The following LRRTM4 variants were observed in gnomAD, a reference collection of about 807,000 sequenced individuals.
LRRTM4 encodes the protein leucine rich repeat transmembrane neuronal 4.
Under a neutral mutation model 47.6 loss-of-function variants are expected in LRRTM4, and 25 were observed. That is an observed-to-expected ratio of 0.53 (90% confidence interval 0.38 to 0.73). The LOEUF is 0.73. Among genes scored for constraint, LRRTM4 ranks in the 30% least tolerant of loss-of-function variants. The pLI is 0.00. For missense variants in LRRTM4, 638 were observed against 713.4 expected, an observed-to-expected ratio of 0.89 and a Z score of 1.20; for synonymous variants, 311 against 269.5, an observed-to-expected ratio of 1.15 and a Z score of -1.51.
At chr2:77,166,633 G>C (rs1382031067) in intron 3 of LRRTM4, among the ~76,000 whole-genome samples, 3 of 152,070 alleles carry the variant, frequency 2.0e-5, no homozygotes, top group Non-Finnish European at 2.9e-5. Flanking sequence ...ACAGAATAGA[G>C]CCCTCAGAAA....
chr2:77,125,535 A>G (rs1671632484), intron 3 of LRRTM4, among the ~76,000 whole-genome samples: 1 of 152,178 alleles, frequency 6.6e-6, no homozygotes, highest in South Asian at 2.1e-4. Flanking sequence ...ACACTAAGGC[A>G]ATAAAAGTAA....
intron 3 of LRRTM4, among the ~76,000 whole-genome samples, chr2:77,213,268 A>C (rs950299626): frequency 1.3e-5 from 2 of 152,122 alleles, no homozygotes; most frequent in Non-Finnish European, 2.9e-5. Flanking sequence ...GAACATTGCC[A>C]AGTTGACAGC....
intron 3 of LRRTM4, among the ~76,000 whole-genome samples, chr2:76,942,230 G>A (rs962469195): frequency 6.6e-6 from 1 of 151,846 alleles, no homozygotes; most frequent in Non-Finnish European, 1.5e-5. Context: ...ATGGATAGAC[G>A]GCAAAAATTT....
chr2:77,239,969 C>G (rs767658100), intron 3 of LRRTM4, among the ~76,000 whole-genome samples: 14 of 151,696 alleles, frequency 9.2e-5, no homozygotes, highest in Non-Finnish European at 1.8e-4. Flanking sequence ...TACTGAATAT[C>G]AGAATACACA....
chr2:76,784,049 A>T (rs1314642030), intron 3 of LRRTM4, among the ~76,000 whole-genome samples: 1 of 152,158 alleles, frequency 6.6e-6, no homozygotes, highest in Admixed American at 6.5e-5. Flanking sequence ...ATAAATAATT[A>T]TTTTTGGAAA....
At chr2:77,500,764 A>T (rs1268551979) in intron 3 of LRRTM4, among the ~76,000 whole-genome samples, 2 of 151,602 alleles carry the variant, frequency 1.3e-5, no homozygotes, top group Non-Finnish European at 3.0e-5. Flanking sequence ...GGGTACTGAC[A>T]TAATAATTCT....
intron 3 of LRRTM4, among the ~76,000 whole-genome samples, chr2:77,113,179 T>TG (rs1329569980): frequency 6.6e-6 from 1 of 152,016 alleles, no homozygotes; most frequent in Non-Finnish European, 1.5e-5. Context: ...GTAATTAGAA[T>TG]GCCATCAGCC....
At chr2:77,511,331 G>C (rs924336521) in intron 3 of LRRTM4, among the ~76,000 whole-genome samples, 1 of 151,918 alleles carries the variant, frequency 6.6e-6, no homozygotes, top group South Asian at 2.1e-4. Context: ...ATACATGTTA[G>C]TATTTTAGAA....
intron 3 of LRRTM4, among the ~76,000 whole-genome samples, chr2:76,973,022 TA>T (rs1266334432): frequency 3.9e-5 from 6 of 152,022 alleles, no homozygotes; most frequent in Non-Finnish European, 8.8e-5. Context: ...TTTAACCAAA[TA>T]AATATGGGAA....
intron 3 of LRRTM4, among the ~76,000 whole-genome samples, chr2:77,132,908 G>C: frequency 6.6e-6 from 1 of 152,158 alleles, no homozygotes. Context: ...CATTGGGAGG[G>C]AAGTGGAGGA....
intron 3 of LRRTM4, among the ~76,000 whole-genome samples, chr2:76,908,693 C>G (rs1475337986): frequency 1.3e-5 from 2 of 152,070 alleles, no homozygotes; most frequent in Non-Finnish European, 2.9e-5. Context: ...TTCTTATACA[C>G]CAATAAGAGA....
chr2:76,782,515 G>C (rs1038277783), intron 3 of LRRTM4, among the ~76,000 whole-genome samples: 1 of 152,158 alleles, frequency 6.6e-6, no homozygotes, highest in African/African-American at 2.4e-5. Context: ...AGGTGACTAT[G>C]AATTATTACA....
At chr2:76,927,423 T>C (rs1012794025) in intron 3 of LRRTM4, among the ~76,000 whole-genome samples, 1 of 152,148 alleles carries the variant, frequency 6.6e-6, no homozygotes, top group Non-Finnish European at 1.5e-5. Context: ...TAACCATGAT[T>C]CTTACAGGTC....
intron 3 of LRRTM4, among the ~76,000 whole-genome samples, chr2:77,291,085 G>T (rs1289547869): frequency 6.6e-6 from 1 of 151,968 alleles, no homozygotes; most frequent in South Asian, 2.1e-4. Context: ...TGTTCTCAGT[G>T]CATATATTTA....
At chr2:76,822,799 ATTAT>A (rs1671090253) in intron 3 of LRRTM4, among the ~76,000 whole-genome samples, 1 of 151,410 alleles carries the variant, frequency 6.6e-6, no homozygotes, top group South Asian at 2.1e-4. Context: ...GAGTTTATTT[ATTAT>A]TTATTTATTT....
intron 3 of LRRTM4, among the ~76,000 whole-genome samples, chr2:76,970,197 G>T (rs1053515639): frequency 5.9e-5 from 9 of 151,970 alleles, no homozygotes; most frequent in Non-Finnish European, 1.3e-4. Flanking sequence ...TGATAATTTT[G>T]TATAAGTGTA....
intron 3 of LRRTM4, among the ~76,000 whole-genome samples, chr2:77,489,785 A>ATGATTC (rs1678066009): frequency 6.6e-6 from 1 of 152,226 alleles, no homozygotes; most frequent in Non-Finnish European, 1.5e-5. Context: ...TCTTCCATTT[A>ATGATTC]TGATTCTCAA....
At chr2:76,872,623 G>C (rs1402036018) in intron 3 of LRRTM4, among the ~76,000 whole-genome samples, 1 of 151,908 alleles carries the variant, frequency 6.6e-6, no homozygotes, top group Non-Finnish European at 1.5e-5. Flanking sequence ...TGTTTCCTAA[G>C]TTTGGCTGCT....
chr2:77,374,542 T>C (rs1312420981), intron 3 of LRRTM4, among the ~76,000 whole-genome samples: 3 of 151,866 alleles, frequency 2.0e-5, no homozygotes, highest in Non-Finnish European at 4.4e-5. Flanking sequence ...TCTTCTAATA[T>C]GGAACTAGAT....
Sources: gnomAD v4.1 joint callset for allele counts (sites outside exome capture counted in the v4.1 genomes callset) on GRCh38, gnomAD v4.1.1 for gene constraint, MANE v1.5 for transcripts, NCBI Gene and HGNC (gene_info 2026-07-23, HGNC 2026-07-21) for gene names.